Variants in MYPN observed in about 807,000 individuals in gnomAD.
The protein encoded by MYPN is myopalladin.
A neutral mutation model predicts 129.4 loss-of-function variants in MYPN; 63 were observed. That is an observed-to-expected ratio of 0.49 (90% CI 0.40 to 0.60). The LOEUF (loss-of-function observed/expected upper bound fraction) is 0.60, where lower values mean the gene tolerates loss of function less well. Among genes scored for constraint, MYPN ranks in the 20% least tolerant of loss-of-function variants. The pLI is 0.00. For missense variants in MYPN, 1,596 were observed against 1,635.4 expected, an observed-to-expected ratio of 0.98 and a Z score of 0.42; for synonymous variants, 629 against 600.9, an observed-to-expected ratio of 1.05 and a Z score of -0.68.
intron 12 of MYPN, among the ~76,000 whole-genome samples, chr10:68,182,377 TATAACAC>T (rs1564686896): frequency 8.8e-5 from 9 of 101,740 alleles, no homozygotes; most frequent in South Asian, 6.3e-4. Context: ...ATATAACATA[TATAACAC>T]ATATATAACA....
chr10:68,168,009 C>T (rs1384224883), intron 10 of MYPN, among the ~76,000 whole-genome samples: 2 of 152,206 alleles, frequency 1.3e-5, no homozygotes, highest in African/African-American at 2.4e-5. Flanking sequence ...ATGGAGCTTG[C>T]GCGGCTGGTT....
chr10:68,100,571 G>A (rs1274665811), intron 1 of MYPN, among the ~76,000 whole-genome samples: 1 of 152,098 alleles, frequency 6.6e-6, no homozygotes, highest in African/African-American at 2.4e-5. Flanking sequence ...TTTACAGGGT[G>A]GATAGAAAGC....
intron 2 of MYPN, among the ~76,000 whole-genome samples, chr10:68,132,425 C>T (rs1242586156): frequency 6.6e-6 from 1 of 152,098 alleles, no homozygotes; most frequent in Non-Finnish European, 1.5e-5. Flanking sequence ...TGTTCAAGTA[C>T]AAAATTGGCC....
Position 68,197,482 on chromosome 10 carries a change from G to T in MYPN, c.3285+4G>T. ...CCTCTGTCGGCTGGACTGTAAGGTA[G>T]ACTCCAGCACCCATGCTTAGTTCCA... On this transcript the variant is annotated splice_donor_region_variant and intron_variant, in intron 16 of 19. Coordinates refer to ENST00000358913, the MANE Select transcript of MYPN (RefSeq NM_032578.4). 2 of 1,613,496 alleles carry T rather than the reference G, an allele frequency of 1.2e-6. No individual in the cohort carries two copies. Among genetic ancestry groups the T allele is most frequent in the South Asian group, 1.1e-5 (1 of 91,050 alleles).
At chr10:68,123,338 CACT>C (rs1392412998) in intron 2 of MYPN, among the ~76,000 whole-genome samples, 5 of 151,856 alleles carry the variant, frequency 3.3e-5, no homozygotes, top group Non-Finnish European at 1.5e-5. Flanking sequence ...GAGATCGCAC[CACT>C]GCACTCCAGC....
At chr10:68,172,191 C>T (rs1374739343) in intron 10 of MYPN, among the ~76,000 whole-genome samples, 1 of 151,860 alleles carries the variant, frequency 6.6e-6, no homozygotes, top group Non-Finnish European at 1.5e-5. Flanking sequence ...CCCAACTCTA[C>T]AAAAAATATA....
chr10:68,194,997 A>T (rs2043580517), intron 14 of MYPN, among the ~76,000 whole-genome samples: 1 of 152,236 alleles, frequency 6.6e-6, no homozygotes, highest in Non-Finnish European at 1.5e-5. Context: ...TTTCTGAATG[A>T]AGCCAAATCT....
chr10:68,096,210 T>A (rs1246123324), intron 1 of MYPN, among the ~76,000 whole-genome samples: 1 of 152,240 alleles, frequency 6.6e-6, no homozygotes, highest in Non-Finnish European at 1.5e-5. Context: ...GGGCAAATGA[T>A]AACTCTTAAT....
chr10:68,137,171 C>A (rs558473436), intron 2 of MYPN, among the ~76,000 whole-genome samples: 7 of 151,810 alleles, frequency 4.6e-5, no homozygotes, highest in Admixed American at 1.3e-4. Context: ...AACAAAAAAA[C>A]CATTTAGTGA....
chr10:68,174,811 G>A (rs1172962495), intron 11 of MYPN, among the ~76,000 whole-genome samples, 155 bp downstream of exon 11: 2 of 152,174 alleles, frequency 1.3e-5, no homozygotes, highest in African/African-American at 4.8e-5. Flanking sequence ...TCAGGACAAA[G>A]GGGATGATTA....
intron 2 of MYPN, chr10:68,136,789 G>C: frequency 6.7e-7 from 1 of 1,482,960 alleles, no homozygotes; most frequent in Non-Finnish European, 9.1e-7. Context: ...TTTGTATAAT[G>C]GAAAGTATTA....
intron 1 of MYPN, among the ~76,000 whole-genome samples, chr10:68,110,104 T>C (rs1005182579): frequency 2.6e-5 from 4 of 152,254 alleles, no homozygotes; most frequent in Admixed American, 6.5e-5. Flanking sequence ...TAAAATAATA[T>C]GCCTGCATAA....
chr10:68,093,963 T>C (rs543536777), intron 1 of MYPN, among the ~76,000 whole-genome samples: 1 of 152,206 alleles, frequency 6.6e-6, no homozygotes, highest in African/African-American at 2.4e-5. Context: ...AAACTTCCTG[T>C]CATTGCCATG....
intron 2 of MYPN, among the ~76,000 whole-genome samples, chr10:68,130,407 C>T (rs2042391769): frequency 6.6e-6 from 1 of 151,430 alleles, no homozygotes; most frequent in Admixed American, 6.6e-5. Flanking sequence ...TTACAGTGAG[C>T]CAAGATCATG....
At position 68,211,215 on chromosome 10, in the gene MYPN, G is replaced by C; in HGVS notation, c.*760G>C. On this transcript the variant is annotated 3_prime_UTR_variant, in exon 20 of 20. Coordinates refer to ENST00000358913, the MANE Select transcript of MYPN (RefSeq NM_032578.4). Reference sequence around the variant, plus strand: ...ATATCCCTAGACACTAGAACTAAAGGATTGGTAATAAACCAATCAGAAAGA... The same window carrying C: ...ATATCCCTAGACACTAGAACTAAAGCATTGGTAATAAACCAATCAGAAAGA... The C allele has an allele frequency of 4.4e-6, 2 of 454,046 alleles. No homozygotes were observed. Among genetic ancestry groups the C allele is most frequent in the Non-Finnish European group, 8.8e-6 (2 of 226,786 alleles). 28.1% of individuals were successfully genotyped at this position (454,046 alleles called of 1,614,324 possible). A position where few individuals can be genotyped will look rare whatever the true frequency, so the allele number is the denominator to read the frequency against.
At chr10:68,195,330 C>A in intron 14 of MYPN, 120 bp from the exon 15 acceptor site, 1 of 780,492 alleles carries the variant, frequency 1.3e-6, no homozygotes, top group South Asian at 1.4e-5. Context: ...TATTTCTCTC[C>A]CCCAAAGAAA....
chr10:68,138,802 T>A (rs1317094402), intron 2 of MYPN, among the ~76,000 whole-genome samples: 1 of 152,166 alleles, frequency 6.6e-6, no homozygotes, highest in African/African-American at 2.4e-5. Flanking sequence ...ACACTGTGGT[T>A]TAGGAAACTG....
chr10:68,119,182 G>T (rs1428805867), intron 1 of MYPN, among the ~76,000 whole-genome samples: 1 of 151,906 alleles, frequency 6.6e-6, no homozygotes, highest in Non-Finnish European at 1.5e-5. Flanking sequence ...TTCAATTGGG[G>T]TATCAATTAT....
At chr10:68,207,523 C>T (rs375504019) in intron 19 of MYPN, among the ~76,000 whole-genome samples, 29 of 152,098 alleles carry the variant, frequency 1.9e-4, no homozygotes, top group East Asian at 1.3e-3. Context: ...TCCTTGCTGC[C>T]GCGGGCCACC....
Sources: gnomAD v4.1 joint callset for allele counts (sites outside exome capture counted in the v4.1 genomes callset) on GRCh38, gnomAD v4.1.1 for gene constraint, MANE v1.5 for transcripts, NCBI Gene and HGNC (gene_info 2026-07-23, HGNC 2026-07-21) for gene names.